FER: variants seen among roughly 807,000 people sequenced by gnomAD.
FER encodes the protein FER tyrosine kinase.
FER carries 63 observed loss-of-function variants against 111.0 expected under a neutral mutation model. The ratio of observed to expected loss-of-function variants is 0.57; its 90% CI spans 0.46 to 0.70. The LOEUF is 0.70. FER is among the 30% of genes least tolerant of loss of function. The probability of loss-of-function intolerance (pLI) is 0.00; values close to 1 mark genes in which losing one functional copy is unlikely to be tolerated. For synonymous variants in FER, 327 were observed against 313.9 expected, an observed-to-expected ratio of 1.04 and a Z score of -0.44; for missense variants, 914 against 954.0, an observed-to-expected ratio of 0.96 and a Z score of 0.55.
At chr5:109,006,959 T>C (rs906514151) in intron 13 of FER, among the ~76,000 whole-genome samples, 1 of 152,218 alleles carries the variant, frequency 6.6e-6, no homozygotes, top group East Asian at 1.9e-4. Flanking sequence ...AAAAGTTTAC[T>C]TAACTTTGGT....
intron 17 of FER, among the ~76,000 whole-genome samples, chr5:109,137,521 C>T (rs1753025931): frequency 6.6e-6 from 1 of 152,134 alleles, no homozygotes; most frequent in African/African-American, 2.4e-5. Context: ...GACTGGCTTC[C>T]AATTGTAGAG....
intron 17 of FER, among the ~76,000 whole-genome samples, chr5:109,177,852 T>C (rs1437111930): frequency 2.0e-5 from 3 of 152,188 alleles, no homozygotes; most frequent in Non-Finnish European, 4.4e-5. Flanking sequence ...CTCAGGTGAA[T>C]GACAACACCA....
intron 17 of FER, among the ~76,000 whole-genome samples, chr5:109,133,091 C>T (rs545205622): frequency 7.9e-5 from 12 of 152,174 alleles, no homozygotes; most frequent in African/African-American, 2.4e-4. Context: ...CTGTAACTTT[C>T]GGTTTTATTG....
chr5:108,817,880 T>C (rs1758443335), intron 3 of FER, among the ~76,000 whole-genome samples: 1 of 152,216 alleles, frequency 6.6e-6, no homozygotes, highest in South Asian at 2.1e-4. Context: ...AATCTTAGTA[T>C]AACTGGTACT....
chr5:108,994,938 T>C (rs1763796039), intron 13 of FER, among the ~76,000 whole-genome samples: 1 of 152,168 alleles, frequency 6.6e-6, no homozygotes, highest in African/African-American at 2.4e-5. Context: ...TAGGAATGCT[T>C]GTGATTTTTG....
chr5:109,003,067 C>T (rs547463460), intron 13 of FER, among the ~76,000 whole-genome samples: 303 of 152,240 alleles, frequency 2.0e-3, no homozygotes, highest in African/African-American at 7.1e-3. Context: ...GGCGATTCCT[C>T]AGGGATCTAG....
intron 10 of FER, among the ~76,000 whole-genome samples, chr5:108,911,418 T>G (rs1255957410): frequency 6.6e-6 from 1 of 152,192 alleles, no homozygotes; most frequent in African/African-American, 2.4e-5. Context: ...TACTGTAGAT[T>G]GTGTGTTTGT....
chr5:108,794,778 GTTAT>G (rs1755824952), intron 2 of FER, among the ~76,000 whole-genome samples: 1 of 152,048 alleles, frequency 6.6e-6, no homozygotes, highest in Non-Finnish European at 1.5e-5. Flanking sequence ...TCCATTGGAT[GTTAT>G]TTGTTTCTTT....
At chr5:108,902,452 A>T (rs1750174140) in intron 10 of FER, among the ~76,000 whole-genome samples, 1 of 152,204 alleles carries the variant, frequency 6.6e-6, no homozygotes, top group Non-Finnish European at 1.5e-5. Context: ...AGTGAGTTGC[A>T]GAATTTGAGT....
intron 17 of FER, among the ~76,000 whole-genome samples, chr5:109,173,444 A>C (rs1757344479): frequency 6.6e-6 from 1 of 152,256 alleles, no homozygotes; most frequent in African/African-American, 2.4e-5. Context: ...TATTGAGACG[A>C]AATAACCCGA....
intron 17 of FER, among the ~76,000 whole-genome samples, chr5:109,131,415 T>C (rs1321818275): frequency 6.6e-6 from 1 of 152,146 alleles, no homozygotes; most frequent in Non-Finnish European, 1.5e-5. Flanking sequence ...GCATAAGATT[T>C]TTTCCCCTGT....
intron 1 of FER, among the ~76,000 whole-genome samples, chr5:108,767,837 C>G (rs1302191004): frequency 6.6e-6 from 1 of 152,080 alleles, no homozygotes; most frequent in Non-Finnish European, 1.5e-5. Flanking sequence ...ACATGAATTA[C>G]CTCTTGAAAA....
intron 8 of FER, among the ~76,000 whole-genome samples, chr5:108,874,814 A>G (rs1764928198): frequency 6.6e-6 from 1 of 152,156 alleles, no homozygotes; most frequent in South Asian, 2.1e-4. Context: ...TTCTTTGGCA[A>G]TTAAATATAA....
intron 10 of FER, among the ~76,000 whole-genome samples, chr5:108,916,817 C>G (rs993197375): frequency 6.6e-6 from 1 of 152,028 alleles, no homozygotes. Context: ...TACTGAGATT[C>G]GTTTTTGTTC....
Position 109,188,965 on chromosome 5 carries a change from G to C in FER, c.*1390G>C, listed in dbSNP as rs1266686524. On this transcript the variant is annotated 3_prime_UTR_variant, in exon 20 of 20. Transcript: ENST00000281092. ...AAGACAGATGTGAATGAAGTAGACA[G>C]TCTAGAAGTCAGGTGAATATTAATG... The C allele has an allele frequency of 6.6e-6, 1 of 152,200 alleles. No individual in the cohort carries two copies. The highest frequency in any genetic ancestry group is 2.4e-5 in the African/African-American group (1 of 41,434). 9.4% of individuals were successfully genotyped at this position (152,200 alleles called of 1,614,324 possible).
chr5:108,800,952 C>T (rs1394416245), intron 3 of FER, among the ~76,000 whole-genome samples: 3 of 152,134 alleles, frequency 2.0e-5, no homozygotes, highest in African/African-American at 7.2e-5. Flanking sequence ...GAGGCTGAGA[C>T]AGGAGAATGG....
At chr5:109,000,346 T>G (rs984237026) in intron 13 of FER, among the ~76,000 whole-genome samples, 3 of 151,508 alleles carry the variant, frequency 2.0e-5, no homozygotes, top group Admixed American at 2.0e-4. Flanking sequence ...AAACAAACTC[T>G]CTAGTAAAAA....
At chr5:108,947,603 T>C (rs756882004) in intron 11 of FER, among the ~76,000 whole-genome samples, 20 of 152,004 alleles carry the variant, frequency 1.3e-4, no homozygotes, top group Non-Finnish European at 2.1e-4. Context: ...ATACATATAA[T>C]CTACAAATGT....
At chr5:109,079,710 T>C (rs1776766698) in intron 16 of FER, among the ~76,000 whole-genome samples, 1 of 152,086 alleles carries the variant, frequency 6.6e-6, no homozygotes, top group South Asian at 2.1e-4. Flanking sequence ...GGAAAGGTTA[T>C]GGTTACCTCA....
Sources: allele counts gnomAD v4.1 joint callset (sites outside exome capture counted in the v4.1 genomes callset), GRCh38; gene constraint gnomAD v4.1.1; transcripts MANE v1.5; gene names NCBI Gene and HGNC (gene_info 2026-07-23, HGNC 2026-07-21).